The following FTH1 variants were observed in gnomAD, a reference collection of about 807,000 sequenced individuals.
FTH1 encodes ferritin heavy chain 1.
FTH1 carries 3 observed loss-of-function variants against 21.8 expected under a neutral mutation model. The observed-to-expected ratio is 0.14, with a 90% CI of 0.06 to 0.36. The LOEUF is 0.36. Ranked by LOEUF, FTH1 falls within the 10% of genes least tolerant of loss-of-function variation. The probability of loss-of-function intolerance (pLI) is 1.00; values close to 1 mark genes in which losing one functional copy is unlikely to be tolerated. For missense variants in FTH1, 147 were observed against 225.8 expected, an observed-to-expected ratio of 0.65 and a Z score of 2.24; for synonymous variants, 83 against 90.1, an observed-to-expected ratio of 0.92 and a Z score of 0.45.
chr11:61,964,808 G>T lies in FTH1; in HGVS notation c.471C>A (p.Arg157=). The part of the protein sequence containing the change: ...KELGDHVTNL[R]KMGAPESGLA... ...AGCCAGATTCGGGCGCTCCCATCTT[G>T]CGCAAGTTGGTCACGTGGTCACCCA... is the stretch of plus-strand genomic sequence containing the variant. The change falls in exon 4 of 4, where the codon CGC becomes CGA. Residue 157 remains arginine (R), a synonymous_variant. Coordinates refer to ENST00000273550, the MANE Select transcript of FTH1 (RefSeq NM_002032.3). 1 of 1,600,246 alleles carries T rather than the reference G, an allele frequency of 6.2e-7. No homozygotes were observed. Among genetic ancestry groups the T allele is most frequent in the South Asian group, 1.1e-5 (1 of 91,082 alleles).
chr11:61,966,311 T>C (rs771092181), intron 1 of FTH1, among the ~76,000 whole-genome samples: 1 of 152,114 alleles, frequency 6.6e-6, no homozygotes, highest in Non-Finnish European at 1.5e-5. Flanking sequence ...CCATGCAAGG[T>C]GGCAAATGTG....
At chr11:61,965,218 A>G in intron 2 of FTH1, 106 bp from the exon 3 acceptor site, 8 of 1,593,252 alleles carry the variant, frequency 5.0e-6, no homozygotes, top group Non-Finnish European at 6.8e-6. Context: ...CTATTTGCCT[A>G]ATTTAGTTTA....
chr11:61,966,413 T>C (rs1396791101), intron 1 of FTH1, among the ~76,000 whole-genome samples: 8 of 152,260 alleles, frequency 5.3e-5, no homozygotes, highest in Non-Finnish European at 1.0e-4. Flanking sequence ...CAAGTGTTTG[T>C]GAAAGGCAGT....
At chr11:61,966,310 G>A (rs1461657591) in intron 1 of FTH1, among the ~76,000 whole-genome samples, 1 of 152,286 alleles carries the variant, frequency 6.6e-6, no homozygotes, top group African/African-American at 2.4e-5. Context: ...CCCATGCAAG[G>A]TGGCAAATGT....
At chr11:61,967,156 C>T in intron 1 of FTH1, 156 bp downstream of exon 1, 1 of 450,718 alleles carries the variant, frequency 2.2e-6, no homozygotes, top group South Asian at 4.0e-5. Flanking sequence ...CTTTCTGCGC[C>T]AGAGAAGTCC....
At chr11:61,965,926 C>T (rs576911226) in intron 1 of FTH1, among the ~76,000 whole-genome samples, 2 of 152,206 alleles carry the variant, frequency 1.3e-5, no homozygotes, top group East Asian at 3.9e-4. Flanking sequence ...CATGTTAAAG[C>T]ATGGTTAAAA....
In FTH1 at chr11:61,964,910, G is replaced by A; in HGVS notation, c.388-19C>T. The A allele has an allele frequency of 6.2e-7, 1 of 1,612,616 alleles. No individual in the cohort carries two copies. Among genetic ancestry groups the A allele is most frequent in the South Asian group, 1.1e-5 (1 of 91,084 alleles). On this transcript the variant is annotated intron_variant, in intron 3 of 3. Transcript: ENST00000273550. ...CACACAACTGCAAAACAATGGGGAA[G>A]ACAGTTAGTGGGCAGCTTTCCCAAT...
rs755785837 is a variant in FTH1, at chr11:61,964,872, G to C, written c.407C>G (p.Thr136Arg). 12 of 1,605,938 alleles carry C rather than the reference G, an allele frequency of 7.5e-6. 1 individual carries two copies. In the South Asian group the frequency reaches 8.8e-5, roughly 12 times the overall value. The change falls in exon 4 of 4, where the codon ACA becomes AGA. Residue 136 changes from threonine to arginine, a missense_variant. By Grantham distance (71) the Thr-to-Arg change is moderately conservative. Coordinates refer to ENST00000273550, the MANE Select transcript of FTH1 (RefSeq NM_002032.3). ...NDPHLCDFIETHYLNEQVKAI... is the reference protein window; with the variant it reads ...NDPHLCDFIERHYLNEQVKAI... ...TTTCACCTGCTCATTCAGGTAATGT[G>C]TCTCAATGAAGTCACACAACTGCAA...
chr11:61,964,723 A>G lies in FTH1; in HGVS notation c.*4T>C, dbSNP rs1942399027. ...CCACGGCTATGGGGAAATTAGCCCG[A>G]GGCTTAGCTTTCATTATCACTGTCT... On this transcript the variant is annotated 3_prime_UTR_variant, in exon 4 of 4. Transcript: ENST00000273550. 1 of 1,597,970 alleles carries G rather than the reference A, an allele frequency of 6.3e-7. No homozygotes were observed. The highest frequency in any genetic ancestry group is 1.3e-5 in the African/African-American group (1 of 74,874).
At position 61,967,624 on chromosome 11, in the gene FTH1, G is replaced by A. The variant is rs1942491722; in HGVS notation, c.-199C>T. 1 of 660,158 alleles carries A rather than the reference G, an allele frequency of 1.5e-6. No homozygotes were observed. Among genetic ancestry groups the A allele is most frequent in the Non-Finnish European group, 2.8e-6 (1 of 359,216 alleles). 40.9% of individuals were successfully genotyped at this position (660,158 alleles called of 1,614,324 possible). ...GGAAACCCCGACGACTCTCGGCGAA[G>A]AACGTCTGGCCCTGCGGGTCGCTTG... On this transcript the variant is annotated 5_prime_UTR_variant, in exon 1 of 4. Coordinates refer to ENST00000273550, the MANE Select transcript of FTH1 (RefSeq NM_002032.3).
intron 2 of FTH1, 104 bp from the exon 3 acceptor site, chr11:61,965,216 C>A (rs981137930): frequency 1.3e-5 from 21 of 1,594,200 alleles, no homozygotes; most frequent in Non-Finnish European, 1.6e-5. Flanking sequence ...TACTATTTGC[C>A]TAATTTAGTT....
At chr11:61,966,730 G>A (rs945922215) in intron 1 of FTH1, among the ~76,000 whole-genome samples, 9 of 152,184 alleles carry the variant, frequency 5.9e-5, no homozygotes, top group Non-Finnish European at 2.9e-5. Flanking sequence ...ACTGCAGAAG[G>A]GGCGATTCCT....
In FTH1 at chr11:61,965,593, ATGGTCTCGTCAGCC is replaced by A. The variant is rs775493889; in HGVS notation, c.115-92_115-79del. The stretch of plus-strand genomic sequence containing the variant: ...CTGTGACGATCTACAGGGAGGCAAG[ATGGTCTCGTCAGCC>A]TAGGCTTCCTTTCTCAAAGCACAGC... On this transcript the variant is annotated intron_variant, in intron 1 of 3. Transcript: ENST00000273550. 5 of 1,520,592 alleles carry A rather than the reference ATGGTCTCGTCAGCC, an allele frequency of 3.3e-6. No homozygotes were observed. The South Asian group carries it at 4.5e-5, about 14-fold the overall frequency. The allele number at this position is 1,520,592 out of a possible 1,614,324, so 94.2% of individuals were successfully genotyped here.
intron 1 of FTH1, 134 bp downstream of exon 1, chr11:61,967,178 G>T: frequency 2.1e-6 from 1 of 477,426 alleles, no homozygotes; most frequent in Non-Finnish European, 3.6e-6. Flanking sequence ...CGGAAACCTC[G>T]AGCAGCCTCC....
chr11:61,966,509 C>T (rs1239429075), intron 1 of FTH1, among the ~76,000 whole-genome samples: 1 of 152,152 alleles, frequency 6.6e-6, no homozygotes, highest in Non-Finnish European at 1.5e-5. Flanking sequence ...CAAGGCAATT[C>T]TAAGGAAGAC....
At chr11:61,966,274 TCACA>T (rs1045159825) in intron 1 of FTH1, among the ~76,000 whole-genome samples, 1 of 151,862 alleles carries the variant, frequency 6.6e-6, no homozygotes, top group Admixed American at 6.6e-5. Flanking sequence ...ACTCTGTCTC[TCACA>T]CACACACACA....
chr11:61,966,266 T>C (rs1356156135), intron 1 of FTH1, among the ~76,000 whole-genome samples: 5 of 152,102 alleles, frequency 3.3e-5, no homozygotes, highest in Non-Finnish European at 7.4e-5. Context: ...AGAGCGAGAC[T>C]CTGTCTCTCA....
intron 1 of FTH1, chr11:61,967,074 G>A (rs925829749): frequency 2.1e-5 from 7 of 336,904 alleles, no homozygotes; most frequent in South Asian, 7.1e-5. Context: ...AAAAAAGAAG[G>A]GTGTGCAGAG....
At chr11:61,966,501 A>C (rs1047983155) in intron 1 of FTH1, among the ~76,000 whole-genome samples, 1 of 152,224 alleles carries the variant, frequency 6.6e-6, no homozygotes, top group Admixed American at 6.5e-5. Context: ...GACAATCACA[A>C]GGCAATTCTA....
Sources: gnomAD v4.1 joint callset for allele counts (sites outside exome capture counted in the v4.1 genomes callset) on GRCh38, gnomAD v4.1.1 for gene constraint, MANE v1.5 for transcripts, NCBI Gene and HGNC (gene_info 2026-07-23, HGNC 2026-07-21) for gene names.